LHFPL3: variants seen among roughly 807,000 people sequenced by gnomAD.
LHFPL3 encodes LHFPL tetraspan subfamily member 3.
In LHFPL3, 5 loss-of-function variants were observed where a neutral mutation model predicts 19.3. That is an observed-to-expected ratio of 0.26 (90% CI 0.14 to 0.54). The LOEUF is 0.54. LHFPL3 is among the 20% of genes least tolerant of loss of function. The pLI is 0.94. For missense variants in LHFPL3, 249 were observed against 307.4 expected (o/e 0.81, Z 1.42); for synonymous variants, 133 against 126.2 (o/e 1.05, Z -0.36).
intron 1 of LHFPL3, chr7:104,470,142 G>T: frequency 2.2e-6 from 1 of 450,944 alleles, no homozygotes; most frequent in Non-Finnish European, 4.5e-6. Flanking sequence ...CATGGGTGTT[G>T]TTGGGGATTC....
intron 1 of LHFPL3, among the ~76,000 whole-genome samples, chr7:104,435,666 A>G (rs1282766415): frequency 6.6e-6 from 1 of 151,842 alleles, no homozygotes; most frequent in Non-Finnish European, 1.5e-5. Context: ...AGTGTCTTCA[A>G]TTGATGGCCC....
At chr7:104,634,503 C>T (rs1293432181) in intron 1 of LHFPL3, among the ~76,000 whole-genome samples, 1 of 152,138 alleles carries the variant, frequency 6.6e-6, no homozygotes, top group Non-Finnish European at 1.5e-5. Flanking sequence ...GAGGCTTCAA[C>T]ATATACATTT....
In LHFPL3 at chr7:104,399,193, G is replaced by A. The variant is rs1354713482; in HGVS notation, c.445+69969G>A. Among the ~76,000 whole-genome samples the A allele has an allele frequency of 3.3e-5, 5 of 152,104 alleles. No homozygotes were observed. The South Asian group carries it at 6.2e-4, about 19-fold the overall frequency. On this transcript the variant is annotated intron_variant, in intron 1 of 2. Transcript: ENST00000424859. This position sits in a 1 kb window ranked among gnomAD's most constrained non-coding sequence, Gnocchi z 4.4. ...TGCCCCAGGAGCTGCCACCCCTGATGTCCTCTTACTTCCCTTGATATCGTA... is the reference window on the plus strand; with the variant it reads ...TGCCCCAGGAGCTGCCACCCCTGATATCCTCTTACTTCCCTTGATATCGTA...
intron 2 of LHFPL3, among the ~76,000 whole-genome samples, chr7:104,778,076 A>T (rs1333007473): frequency 3.9e-5 from 6 of 152,236 alleles, no homozygotes; most frequent in Non-Finnish European, 8.8e-5. Context: ...GCTTTGGAAG[A>T]AGAAGAAGTA....
At chr7:104,779,587 A>G (rs1432383916) in intron 2 of LHFPL3, among the ~76,000 whole-genome samples, 1 of 152,004 alleles carries the variant, frequency 6.6e-6, no homozygotes, top group African/African-American at 2.4e-5. Context: ...ACTCCATGCG[A>G]CTCAGCCGTT....
At chr7:104,867,940 A>G (rs1268389689) in intron 2 of LHFPL3, among the ~76,000 whole-genome samples, 1 of 152,192 alleles carries the variant, frequency 6.6e-6, no homozygotes, top group African/African-American at 2.4e-5. Flanking sequence ...AAATCAATAA[A>G]CATAATCCAG....
At chr7:104,856,271 GAC>G (rs1791504877) in intron 2 of LHFPL3, among the ~76,000 whole-genome samples, 1 of 95,914 alleles carries the variant, frequency 1.0e-5, no homozygotes, top group South Asian at 3.8e-4. Context: ...TTTTTTTTGA[GAC>G]AGAGTCTTGC....
At chr7:104,432,762 C>G (rs1212231091) in intron 1 of LHFPL3, among the ~76,000 whole-genome samples, 3 of 152,152 alleles carry the variant, frequency 2.0e-5, no homozygotes, top group Admixed American at 2.0e-4. Context: ...GAATGTCCTT[C>G]TTGATCTCTC....
At chr7:104,384,692 C>G (rs752600203) in intron 1 of LHFPL3, among the ~76,000 whole-genome samples, 30 of 147,914 alleles carry the variant, frequency 2.0e-4, no homozygotes, top group Admixed American at 6.9e-5. Context: ...GAGGCTGAGG[C>G]AGGAGAATCA....
At chr7:104,614,680 C>CTTCCTTCCTTCCTTCCTTCCTTCTTTCT (rs767634683) in intron 1 of LHFPL3, among the ~76,000 whole-genome samples, 13 of 94,476 alleles carry the variant, frequency 1.4e-4, no homozygotes, top group Non-Finnish European at 2.0e-4. Flanking sequence ...TCCTTCCTTC[C>CTTCCTTCCTTCCTTCCTTCCTTCTTTCT]TTCTTTCTTT....
intron 2 of LHFPL3, among the ~76,000 whole-genome samples, chr7:104,836,866 G>A (rs1791106815): frequency 6.6e-6 from 1 of 152,182 alleles, no homozygotes; most frequent in Admixed American, 6.5e-5. Flanking sequence ...TAGGATGTCA[G>A]TTTATCTCTG....
At chr7:104,460,106 G>C (rs1299278970) in intron 1 of LHFPL3, among the ~76,000 whole-genome samples, 2 of 152,024 alleles carry the variant, frequency 1.3e-5, no homozygotes, top group Non-Finnish European at 2.9e-5. Flanking sequence ...GTGGTATTTG[G>C]TTTTCTGTTC....
intron 1 of LHFPL3, among the ~76,000 whole-genome samples, chr7:104,660,639 A>G (rs1451027626): frequency 6.6e-6 from 1 of 152,214 alleles, no homozygotes; most frequent in African/African-American, 2.4e-5. Flanking sequence ...GTATAGAGGC[A>G]TAAGGAAATA....
At chr7:104,609,821 G>A (rs1203756019) in intron 1 of LHFPL3, among the ~76,000 whole-genome samples, 1 of 152,180 alleles carries the variant, frequency 6.6e-6, no homozygotes, top group Non-Finnish European at 1.5e-5. Context: ...AAAGAAAGAA[G>A]TGACTATTCT....
intron 2 of LHFPL3, among the ~76,000 whole-genome samples, chr7:104,824,071 G>C (rs902629224): frequency 7.5e-6 from 1 of 133,970 alleles, no homozygotes; most frequent in African/African-American, 2.9e-5. Context: ...ACTTGAACCC[G>C]GGAGGCAGAG....
intron 1 of LHFPL3, among the ~76,000 whole-genome samples, chr7:104,615,153 A>C (rs898198991): frequency 6.6e-6 from 1 of 152,216 alleles, no homozygotes; most frequent in African/African-American, 2.4e-5. Flanking sequence ...TTCTTCACAT[A>C]TATGAGCTGG....
chr7:104,470,060 T>A, intron 1 of LHFPL3: 1 of 456,016 alleles, frequency 2.2e-6, no homozygotes, highest in Non-Finnish European at 4.4e-6. Flanking sequence ...TGTGCTTCAT[T>A]CTGAATGGAA....
rs569973785 is a variant in LHFPL3 at position 104,400,460 on chromosome 7, T to C, written c.445+71236T>C. On this transcript the variant is annotated intron_variant, in intron 1 of 2. Transcript: ENST00000424859. Reference sequence around the variant, plus strand: ...AGGATATTCTTAAGGTAATCCATAATGATAAGCCATTTTGTTTCTGTTCTT... The same window carrying C: ...AGGATATTCTTAAGGTAATCCATAACGATAAGCCATTTTGTTTCTGTTCTT... Among the ~76,000 whole-genome samples, 52 of 152,340 alleles carry C rather than the reference T, an allele frequency of 3.4e-4. No homozygotes were observed. The South Asian group carries it at 0.011, about 31-fold the overall frequency.
chr7:104,734,125 C>T (rs993718304), intron 1 of LHFPL3, among the ~76,000 whole-genome samples: 10 of 152,154 alleles, frequency 6.6e-5, no homozygotes, highest in African/African-American at 2.2e-4. Flanking sequence ...TTGTGGGTAA[C>T]CCGACCTTTC....
Sources: allele counts gnomAD v4.1 joint callset (sites outside exome capture counted in the v4.1 genomes callset), GRCh38; gene constraint gnomAD v4.1.1; non-coding constraint Gnocchi (gnomAD v3.1); transcripts MANE v1.5; gene names NCBI Gene and HGNC (gene_info 2026-07-23, HGNC 2026-07-21).